Variants in RNF152 observed in about 807,000 individuals in gnomAD.
RNF152 encodes the protein ring finger protein 152, also known as E3 ubiquitin-protein ligase RNF152.
Under a neutral mutation model 12.7 loss-of-function variants are expected in RNF152, and 11 were observed. The ratio of observed to expected loss-of-function variants is 0.86; its 90% CI spans 0.54 to 1.43. RNF152 has a LOEUF of 1.43. Ranked by LOEUF, RNF152 falls within the 40% of genes most tolerant of loss-of-function variation. RNF152 has a pLI of 0.00. For synonymous variants in RNF152, 113 were observed against 120.3 expected (o/e 0.94, Z 0.40); for missense variants, 255 against 274.8 (o/e 0.93, Z 0.51).
chr18:61,863,572 C>T (rs1378664629), intron 1 of RNF152, among the ~76,000 whole-genome samples: 1 of 152,052 alleles, frequency 6.6e-6, no homozygotes, highest in Non-Finnish European at 1.5e-5. Context: ...AAACTAAGCA[C>T]ATTTTCCAGG....
At chr18:61,818,690 G>A (rs2144618798) in intron 1 of RNF152, among the ~76,000 whole-genome samples, 1 of 152,312 alleles carries the variant, frequency 6.6e-6, no homozygotes, top group South Asian at 2.1e-4. Context: ...GCTAAATACT[G>A]TAGGATATAA....
At chr18:61,838,438 G>A (rs1568272319) in intron 1 of RNF152, among the ~76,000 whole-genome samples, 1 of 152,274 alleles carries the variant, frequency 6.6e-6, no homozygotes, top group Non-Finnish European at 1.5e-5. Context: ...TCCCATTTTG[G>A]ATCTGCACTT....
At chr18:61,820,820 G>A (rs1242657074) in intron 1 of RNF152, among the ~76,000 whole-genome samples, 1 of 152,154 alleles carries the variant, frequency 6.6e-6, no homozygotes, top group Non-Finnish European at 1.5e-5. Context: ...AAGACTGGAG[G>A]TTTGGGACTC....
intron 1 of RNF152, among the ~76,000 whole-genome samples, chr18:61,839,623 C>T (rs1291548166): frequency 3.9e-5 from 6 of 152,238 alleles, no homozygotes; most frequent in East Asian, 1.9e-4. Flanking sequence ...GGGCTGGGCA[C>T]GGTGGCTCAC....
At chr18:61,818,335 A>G (rs1909213047) in intron 1 of RNF152, among the ~76,000 whole-genome samples, 1 of 152,072 alleles carries the variant, frequency 6.6e-6, no homozygotes. Flanking sequence ...AGGTGGGAGG[A>G]CCACCTGAGC....
At chr18:61,852,803 G>GCA (rs1158577719) in intron 1 of RNF152, among the ~76,000 whole-genome samples, 8 of 152,048 alleles carry the variant, frequency 5.3e-5, no homozygotes, top group Admixed American at 1.3e-4. Flanking sequence ...AGAACATAAG[G>GCA]CACACACCTG....
intron 1 of RNF152, among the ~76,000 whole-genome samples, chr18:61,860,382 G>A (rs78594378): frequency 0.032 from 4,933 of 152,216 alleles, 270 homozygotes; most frequent in African/African-American, 0.11. Flanking sequence ...ACCACATAAC[G>A]TTTCGGTCAA....
intron 1 of RNF152, among the ~76,000 whole-genome samples, chr18:61,838,326 C>A (rs4941070): frequency 0.048 from 7,328 of 152,274 alleles, 237 homozygotes; most frequent in Non-Finnish European, 0.067. Flanking sequence ...CCTCTTTTGG[C>A]TTTTCATTTG....
At position 61,815,558 on chromosome 18, in the gene RNF152, G is replaced by A; in HGVS notation, c.*294C>T. 1 of 363,754 alleles carries A rather than the reference G, an allele frequency of 2.7e-6. No individual in the cohort carries two copies. The highest frequency in any genetic ancestry group is 5.1e-6 in the Non-Finnish European group (1 of 196,826). The allele number at this position is 363,754 out of a possible 1,614,324, so 22.5% of individuals were successfully genotyped here. A position where few individuals can be genotyped will look rare whatever the true frequency, so the allele number is the denominator to read the frequency against. On this transcript the variant is annotated 3_prime_UTR_variant, in exon 2 of 2. Coordinates refer to ENST00000312828, the MANE Select transcript of RNF152 (RefSeq NM_173557.3). ...CGTCTAAGTAGAATATGTCTATCTT[G>A]TAACATGATTTTGAAAAATCATAAA...
chr18:61,866,454 T>TA (rs1911734349), intron 1 of RNF152, among the ~76,000 whole-genome samples: 2 of 2,016 alleles, frequency 9.9e-4, no homozygotes, highest in African/African-American at 1.1e-3. Context: ...ATCCACACTC[T>TA]CGCCCGCGTT....
chr18:61,840,337 G>C (rs1051568747), intron 1 of RNF152, among the ~76,000 whole-genome samples: 4 of 152,166 alleles, frequency 2.6e-5, no homozygotes, highest in Non-Finnish European at 5.9e-5. Flanking sequence ...CCAAAGTCTT[G>C]CTCTCACGAA....
intron 1 of RNF152, among the ~76,000 whole-genome samples, chr18:61,822,814 A>G (rs1237254133): frequency 6.6e-6 from 1 of 152,214 alleles, no homozygotes; most frequent in Non-Finnish European, 1.5e-5. Flanking sequence ...AAAAAACTCA[A>G]ATGCAGAGAT....
At chr18:61,887,075 A>T (rs376816692) in intron 1 of RNF152, among the ~76,000 whole-genome samples, 1 of 152,250 alleles carries the variant, frequency 6.6e-6, no homozygotes, top group East Asian at 1.9e-4. Context: ...TTTGGGCAAC[A>T]GTGGATTAAC....
intron 1 of RNF152, among the ~76,000 whole-genome samples, chr18:61,822,563 G>T (rs919657812): frequency 6.6e-6 from 1 of 152,174 alleles, no homozygotes; most frequent in Admixed American, 6.5e-5. Context: ...AATCCCAGTT[G>T]CTTTTAGAAG....
At chr18:61,891,669 GAATGCTTGT>G (rs1225713885) in intron 1 of RNF152, among the ~76,000 whole-genome samples, 9 of 152,200 alleles carry the variant, frequency 5.9e-5, no homozygotes, top group Admixed American at 4.6e-4. Context: ...AGTGACTCCT[GAATGCTTGT>G]AGTAGAAGGA....
rs556740659 is a variant in RNF152, at chr18:61,855,560, G to A, written c.-136+37235C>T. Among the ~76,000 whole-genome samples, 7 of 152,364 alleles carry A rather than the reference G, an allele frequency of 4.6e-5. No individual in the cohort carries two copies. In the South Asian group the frequency reaches 6.2e-4, roughly 14 times the overall value. The stretch of plus-strand genomic sequence containing the variant: ...TGTGGATGCCCGCAGTAGAAGCCAC[G>A]TGCAGTGCATCTGGTGCAGCTGCAG... On this transcript the variant is annotated intron_variant, in intron 1 of 1. Transcript: ENST00000312828.
In RNF152 at chr18:61,812,090, G is replaced by C. The variant is rs1026400734; in HGVS notation, c.*3762C>G. 25 of 152,104 alleles carry C rather than the reference G, an allele frequency of 1.6e-4. No homozygotes were observed. Among genetic ancestry groups the C allele is most frequent in the African/African-American group, 5.1e-4 (21 of 41,412 alleles). 9.4% of individuals were successfully genotyped at this position (152,104 alleles called of 1,614,324 possible). A position where few individuals can be genotyped will look rare whatever the true frequency, so the allele number is the denominator to read the frequency against. On this transcript the variant is annotated 3_prime_UTR_variant, in exon 2 of 2. Coordinates refer to ENST00000312828, the MANE Select transcript of RNF152 (RefSeq NM_173557.3). ...CACAAACTCTCACCTTAGCCTCACTGTTACTCCATTAATACCTTGATGCTG... is the reference window on the plus strand; with the variant it reads ...CACAAACTCTCACCTTAGCCTCACTCTTACTCCATTAATACCTTGATGCTG...
At chr18:61,860,196 T>C (rs1287599180) in intron 1 of RNF152, among the ~76,000 whole-genome samples, 2 of 152,170 alleles carry the variant, frequency 1.3e-5, no homozygotes, top group African/African-American at 4.8e-5. Context: ...GCCGACACCA[T>C]GCCTGTGGAC....
At chr18:61,844,741 A>G (rs1001308084) in intron 1 of RNF152, among the ~76,000 whole-genome samples, 1 of 152,170 alleles carries the variant, frequency 6.6e-6, no homozygotes, top group East Asian at 1.9e-4. Context: ...TGTGCTTAAA[A>G]CCTGTACCTC....
Sources: gnomAD v4.1 joint callset for allele counts (sites outside exome capture counted in the v4.1 genomes callset) on GRCh38, gnomAD v4.1.1 for gene constraint, MANE v1.5 for transcripts, NCBI Gene and HGNC (gene_info 2026-07-23, HGNC 2026-07-21) for gene names.